IRS1: variants seen among roughly 807,000 people sequenced by gnomAD.
IRS1 encodes insulin receptor substrate 1.
IRS1 carries 34 observed loss-of-function variants against 65.6 expected under a neutral mutation model. The ratio of observed to expected loss-of-function variants is 0.52; its 90% CI spans 0.39 to 0.69. IRS1 has a LOEUF of 0.69. Among genes scored for constraint, IRS1 ranks in the 30% least tolerant of loss-of-function variants. IRS1 has a pLI of 0.00. For missense variants in IRS1, 1,641 were observed against 1,720.2 expected (o/e 0.95, Z 0.81); for synonymous variants, 699 against 683.5 (o/e 1.02, Z -0.35).
At chr2:226,775,435 C>T (rs1939252393) in intron 1 of IRS1, among the ~76,000 whole-genome samples, 1 of 152,172 alleles carries the variant, frequency 6.6e-6, no homozygotes, top group Non-Finnish European at 1.5e-5. Flanking sequence ...GACAGATAAA[C>T]AAGGAGGCGA....
chr2:226,737,197 G>T (rs1938343022), intron 1 of IRS1, among the ~76,000 whole-genome samples: 1 of 149,516 alleles, frequency 6.7e-6, no homozygotes, highest in East Asian at 2.0e-4. Context: ...GCGCTGTTTG[G>T]TTTTTTGTTC....
chr2:226,780,404 TAATTAAATTA>T (rs527779768), intron 1 of IRS1, among the ~76,000 whole-genome samples: 15 of 152,068 alleles, frequency 9.9e-5, no homozygotes, highest in South Asian at 2.1e-4. Context: ...ATAAACAAAT[TAATTAAATTA>T]AATTAAATTA....
Position 226,796,294 on chromosome 2 carries a change from G to T in IRS1, c.2445C>A (p.Ser815Arg), listed in dbSNP as rs142670594. ...TAGCCCCGCAGTATCCCCCACCCAGGCTGTCGCTGCTGGTGGAAGAGGAAG... is the reference window on the plus strand; with the variant it reads ...TAGCCCCGCAGTATCCCCCACCCAGTCTGTCGCTGCTGGTGGAAGAGGAAG... ...DDSSSSTSSD[S>R]LGGGYCGARL... Residue 815 changes from serine (S) to arginine (R), a missense_variant, in exon 1 of 2, where the codon AGC (serine) becomes AGA (arginine). Transcript: ENST00000305123. 6.8e-6 allele frequency: 11 copies of T among 1,613,366 alleles called. No individual in the cohort carries two copies. Among genetic ancestry groups the T allele is most frequent in the Non-Finnish European group, 9.3e-6 (11 of 1,180,048 alleles).
chr2:226,781,954 G>A (rs1391658807), intron 1 of IRS1, among the ~76,000 whole-genome samples: 1 of 151,374 alleles, frequency 6.6e-6, no homozygotes, highest in Admixed American at 6.6e-5. Context: ...AACTTCCAGG[G>A]TACTCTACAA....
In IRS1 at chr2:226,790,408, A is replaced by G. The variant is rs1234285794; in HGVS notation, c.*21+4581T>C. On this transcript the variant is annotated intron_variant, in intron 1 of 1. Transcript: ENST00000305123. ...TAGGGCAATGCTGGAGATAGTATTT[A>G]TTGAGGGGGAACTCAGAGAAATGAC... is the stretch of plus-strand genomic sequence containing the variant. Among the ~76,000 whole-genome samples, 3 of 152,020 alleles carry G rather than the reference A, an allele frequency of 2.0e-5. No individual in the cohort carries two copies. In the East Asian group the frequency reaches 5.8e-4, roughly 29 times the overall value.
intron 1 of IRS1, among the ~76,000 whole-genome samples, chr2:226,752,876 G>A (rs940190764): frequency 6.6e-6 from 1 of 152,232 alleles, no homozygotes; most frequent in African/African-American, 2.4e-5. Context: ...CACTTGATCA[G>A]CCTCACTGAG....
chr2:226,741,341 T>C (rs1012487985), intron 1 of IRS1, among the ~76,000 whole-genome samples: 1 of 152,194 alleles, frequency 6.6e-6, no homozygotes, highest in Admixed American at 6.5e-5. Context: ...TTGTATAATA[T>C]GGGGAGAGTA....
intron 1 of IRS1, among the ~76,000 whole-genome samples, chr2:226,753,541 A>G (rs1301827493): frequency 6.6e-6 from 1 of 152,216 alleles, no homozygotes; most frequent in African/African-American, 2.4e-5. Flanking sequence ...GAGGTTTCTT[A>G]TCTCTAACTT....
At chr2:226,791,085 C>T (rs542239167) in intron 1 of IRS1, among the ~76,000 whole-genome samples, 24 of 152,270 alleles carry the variant, frequency 1.6e-4, no homozygotes, top group Middle Eastern at 6.8e-3. Context: ...CAGGAGGATG[C>T]GTTTTCCCAG....
Position 226,798,476 on chromosome 2 carries a change from G to A in IRS1, c.263C>T (p.Thr88Ile). 1 of 1,614,140 alleles carries A rather than the reference G, an allele frequency of 6.2e-7. No individual in the cohort carries two copies. Among genetic ancestry groups the A allele is most frequent in the Non-Finnish European group, 8.5e-7 (1 of 1,180,026 alleles). ...SKNKHLVALY[T>I]RDEHFAIAAD... ...CGCGATGGCAAAGTGCTCGTCCCGG[G>A]TGTAGAGAGCCACCAGGTGCTTGTT... The change falls in exon 1 of 2, where the codon ACC (threonine) becomes ATC (isoleucine). Residue 88 changes from threonine to isoleucine, a missense_variant. Coordinates refer to ENST00000305123, the MANE Select transcript of IRS1 (RefSeq NM_005544.3). The surrounding 1 kb of genome is among the most constrained non-coding windows in gnomAD (Gnocchi z 9.4).
rs538778272 is a variant in IRS1, at chr2:226,731,532, A to T, written c.*4740T>A. 2 of 152,364 alleles carry T rather than the reference A, an allele frequency of 1.3e-5. No homozygotes were observed. The highest frequency in any genetic ancestry group is 1.3e-4 in the Admixed American group (2 of 15,302). The allele number at this position is 152,364 out of a possible 1,614,324, so 9.4% of individuals were successfully genotyped here. A position where few individuals can be genotyped will look rare whatever the true frequency, so the allele number is the denominator to read the frequency against. ...ACTTGGAAAAGTGAAACACTTCTAA[A>T]TAAAAAATATATACCTGGCCTGGCA... is the stretch of plus-strand genomic sequence containing the variant. On this transcript the variant is annotated 3_prime_UTR_variant, in exon 2 of 2. Coordinates refer to ENST00000305123, the MANE Select transcript of IRS1 (RefSeq NM_005544.3).
chr2:226,766,724 A>G (rs1939055432), intron 1 of IRS1, among the ~76,000 whole-genome samples: 1 of 152,224 alleles, frequency 6.6e-6, no homozygotes, highest in African/African-American at 2.4e-5. Context: ...GGCAGAGTTT[A>G]GAAGTGCTTA....
At chr2:226,746,712 A>G (rs1369701885) in intron 1 of IRS1, among the ~76,000 whole-genome samples, 1 of 149,382 alleles carries the variant, frequency 6.7e-6, no homozygotes, top group East Asian at 2.0e-4. Flanking sequence ...TATTTTCTCC[A>G]TTATCTGACA....
intron 1 of IRS1, among the ~76,000 whole-genome samples, chr2:226,743,186 C>T (rs1356769612): frequency 6.6e-6 from 1 of 151,984 alleles, no homozygotes; most frequent in African/African-American, 2.4e-5. Flanking sequence ...AAAAAAGTCC[C>T]TCTTCATTTC....
intron 1 of IRS1, among the ~76,000 whole-genome samples, chr2:226,737,528 G>A: frequency 6.6e-6 from 1 of 152,194 alleles, no homozygotes; most frequent in East Asian, 1.9e-4. Context: ...TGTTGAATGA[G>A]TACGTGGTTG....
chr2:226,776,361 G>T (rs1039352961), intron 1 of IRS1, among the ~76,000 whole-genome samples: 40 of 152,004 alleles, frequency 2.6e-4, no homozygotes, highest in African/African-American at 9.4e-4. Flanking sequence ...TGTGAGTGTG[G>T]GGTGGTTCGG....
rs768966933 is a variant in IRS1 at position 226,798,365 on chromosome 2, G to A, written c.374C>T (p.Ala125Val). 7 of 1,613,698 alleles carry A rather than the reference G, an allele frequency of 4.3e-6. No individual in the cohort carries two copies. Among genetic ancestry groups the A allele is most frequent in the Non-Finnish European group, 5.9e-6 (7 of 1,179,952 alleles). Residue 125 changes from alanine (A) to valine (V), a missense_variant, in exon 1 of 2, where the codon GCG (alanine) becomes GTG (valine). Transcript: ENST00000305123. The surrounding 1 kb of genome is among the most constrained non-coding windows in gnomAD (Gnocchi z 9.4). ...CCCACCACCTCCCGCCCCGAGGGCC[G>A]CAGCTCCGTCGTGGTGGCCCTTAGC... ...NRAKGHHDGA[A>V]ALGAGGGGGS... is the part of the protein sequence containing the mutation.
chr2:226,740,722 C>T (rs1165469328), intron 1 of IRS1, among the ~76,000 whole-genome samples: 1 of 152,126 alleles, frequency 6.6e-6, no homozygotes, highest in Non-Finnish European at 1.5e-5. Context: ...TGGGGCATTG[C>T]TAGTCGTTTC....
At chr2:226,759,223 G>A (rs1315323229) in intron 1 of IRS1, among the ~76,000 whole-genome samples, 1 of 152,224 alleles carries the variant, frequency 6.6e-6, no homozygotes, top group Non-Finnish European at 1.5e-5. Flanking sequence ...ATATAAATGT[G>A]AGATATGGTT....
Sources: gnomAD v4.1 joint callset for allele counts (sites outside exome capture counted in the v4.1 genomes callset) on GRCh38, gnomAD v4.1.1 for gene constraint, Gnocchi (gnomAD v3.1) non-coding constraint, MANE v1.5 for transcripts, NCBI Gene and HGNC (gene_info 2026-07-23, HGNC 2026-07-21) for gene names.